The following SVOP variants were observed in gnomAD, a reference collection of about 807,000 sequenced individuals.
The protein encoded by SVOP is synaptic vesicle 2-related protein.
A neutral mutation model predicts 69.1 loss-of-function variants in SVOP; 17 were observed. The ratio of observed to expected loss-of-function variants is 0.25; its 90% CI spans 0.17 to 0.37. The LOEUF (loss-of-function observed/expected upper bound fraction) is 0.37. Among genes scored for constraint, SVOP ranks in the 10% least tolerant of loss-of-function variants. SVOP has a pLI of 1.00. For missense variants in SVOP, 435 were observed against 597.5 expected, an observed-to-expected ratio of 0.73 and a Z score of 2.84; for synonymous variants, 238 against 238.6, an observed-to-expected ratio of 1.00 and a Z score of 0.02.
chr12:108,948,118 G>A (rs1015156704), intron 6 of SVOP, among the ~76,000 whole-genome samples: 1 of 151,992 alleles, frequency 6.6e-6, no homozygotes, highest in Non-Finnish European at 1.5e-5. Flanking sequence ...CCTGGCATTG[G>A]GGGAGGGGTG....
At position 108,911,558 on chromosome 12, in the gene SVOP, G is replaced by T. The variant is rs1322159879; in HGVS notation, c.*977C>A. On this transcript the variant is annotated 3_prime_UTR_variant, in exon 16 of 16. Coordinates refer to ENST00000610966, the MANE Select transcript of SVOP (RefSeq NM_018711.5). The stretch of plus-strand genomic sequence containing the variant: ...ACCCTGTCTCTACTAAAAAGTACAG[G>T]TGGGCACCTGTAATCCCAGCTACTC... The T allele has an allele frequency of 6.6e-6, 1 of 152,140 alleles. No homozygotes were observed. Among genetic ancestry groups the T allele is most frequent in the African/African-American group, 2.4e-5 (1 of 41,366 alleles). 9.4% of individuals were successfully genotyped at this position (152,140 alleles called of 1,614,324 possible). A position where few individuals can be genotyped will look rare whatever the true frequency, so the allele number is the denominator to read the frequency against.
intron 3 of SVOP, among the ~76,000 whole-genome samples, chr12:108,978,088 T>C (rs918775715): frequency 6.6e-6 from 1 of 152,090 alleles, no homozygotes; most frequent in Non-Finnish European, 1.5e-5. Context: ...GGGGGAAATG[T>C]TGTGGGGAAA....
At chr12:108,997,345 G>T (rs1386160828) in intron 1 of SVOP, among the ~76,000 whole-genome samples, 10 of 152,014 alleles carry the variant, frequency 6.6e-5, no homozygotes, top group Middle Eastern at 3.4e-3. Flanking sequence ...TAGCACAGCA[G>T]TCTGAGATCA....
chr12:108,915,908 T>C, intron 14 of SVOP, 36 bp from the exon 15 acceptor site: 1 of 1,531,316 alleles, frequency 6.5e-7, no homozygotes, highest in South Asian at 1.3e-5. Flanking sequence ...CATGGGGACA[T>C]GCAGGTTCCT....
At chr12:109,003,674 T>C (rs1384912050) in intron 1 of SVOP, among the ~76,000 whole-genome samples, 2 of 152,164 alleles carry the variant, frequency 1.3e-5, no homozygotes, top group Non-Finnish European at 2.9e-5. Flanking sequence ...AGTCGTGCAA[T>C]AAAGCTCACC....
At chr12:108,913,310 C>A (rs1223276462) in intron 15 of SVOP, among the ~76,000 whole-genome samples, 1 of 152,156 alleles carries the variant, frequency 6.6e-6, no homozygotes, top group Non-Finnish European at 1.5e-5. Flanking sequence ...ATCCACCCAC[C>A]TTGGCCTCCC....
chr12:108,941,248 T>C (rs1237273230), intron 7 of SVOP, among the ~76,000 whole-genome samples: 1 of 152,152 alleles, frequency 6.6e-6, no homozygotes, highest in East Asian at 1.9e-4. Flanking sequence ...TCTGTCTTTT[T>C]GTCTTGCTCT....
chr12:108,952,533 G>A (rs1266201784), intron 6 of SVOP, among the ~76,000 whole-genome samples: 1 of 152,022 alleles, frequency 6.6e-6, no homozygotes, highest in Non-Finnish European at 1.5e-5. Context: ...ACTGTGCCCA[G>A]GCCCCCTACA....
In SVOP at chr12:108,992,470, G is replaced by C. The variant is rs183316865; in HGVS notation, c.36-8709C>G. Among the ~76,000 whole-genome samples, 19 of 152,176 alleles carry C rather than the reference G, an allele frequency of 1.2e-4. No individual in the cohort carries two copies. In the East Asian group the frequency reaches 3.7e-3, roughly 29 times the overall value. On this transcript the variant is annotated intron_variant, in intron 1 of 15. Coordinates refer to ENST00000610966, the MANE Select transcript of SVOP (RefSeq NM_018711.5). ...GTGGGAGGGTCGCTTGAGCCTGAGA[G>C]GTCGAGGCTGCAGTGAGCTATGATC...
chr12:108,957,443 C>G (rs146482261), intron 6 of SVOP, among the ~76,000 whole-genome samples: 1 of 152,108 alleles, frequency 6.6e-6, no homozygotes, highest in Non-Finnish European at 1.5e-5. Context: ...GGATTACAGA[C>G]GTGAGCCACC....
intron 8 of SVOP, 22 bp downstream of exon 8, chr12:108,940,762 A>G (rs1056103446): frequency 3.3e-6 from 5 of 1,534,376 alleles, no homozygotes; most frequent in African/African-American, 2.7e-5. Flanking sequence ...GCAAAAGGTG[A>G]AATCTCTTAA....
chr12:108,928,421 G>A (rs2039795226), intron 11 of SVOP, among the ~76,000 whole-genome samples: 1 of 152,032 alleles, frequency 6.6e-6, no homozygotes, highest in African/African-American at 2.4e-5. Flanking sequence ...TGGGGTTCAG[G>A]ACATGCCAAC....
chr12:108,928,660 A>G (rs2039796858), intron 11 of SVOP, among the ~76,000 whole-genome samples: 1 of 150,812 alleles, frequency 6.6e-6, no homozygotes, highest in Non-Finnish European at 1.5e-5. Flanking sequence ...TCCGCTTCTC[A>G]GGCTCAAGCG....
chr12:109,013,122 A>G (rs146981444), intron 1 of SVOP, among the ~76,000 whole-genome samples: 11 of 152,292 alleles, frequency 7.2e-5, no homozygotes, highest in African/African-American at 2.6e-4. Context: ...GCCTGTCTAT[A>G]TTGGTCTACA....
At chr12:108,919,013 C>T (rs1208107864) in intron 13 of SVOP, among the ~76,000 whole-genome samples, 3 of 147,342 alleles carry the variant, frequency 2.0e-5, no homozygotes, top group African/African-American at 7.5e-5. Flanking sequence ...TGCACCCCCA[C>T]TTGTACCCAC....
In SVOP at chr12:108,912,027, C is replaced by T. The variant is rs2039686571; in HGVS notation, c.*508G>A. 5.4e-6 allele frequency: 2 copies of T among 368,454 alleles called. No homozygotes were observed. The highest frequency in any genetic ancestry group is 7.5e-6 in the Non-Finnish European group (2 of 265,546). 22.8% of individuals were successfully genotyped at this position (368,454 alleles called of 1,614,324 possible). On this transcript the variant is annotated 3_prime_UTR_variant, in exon 16 of 16. Coordinates refer to ENST00000610966, the MANE Select transcript of SVOP (RefSeq NM_018711.5). Reference sequence around the variant, plus strand: ...CTCTAGGGAGGCAAACCGGGGGGCCCCTGCCAGGAAATAGCTGCTCAGACC... The same window carrying T: ...CTCTAGGGAGGCAAACCGGGGGGCCTCTGCCAGGAAATAGCTGCTCAGACC...
intron 1 of SVOP, among the ~76,000 whole-genome samples, chr12:109,004,019 C>T (rs1249189623): frequency 6.6e-5 from 10 of 152,090 alleles, no homozygotes; most frequent in Admixed American, 6.6e-4. Context: ...AAAGAGGGAC[C>T]TTTGACATTG....
At chr12:108,982,239 A>G (rs1431622727) in intron 2 of SVOP, among the ~76,000 whole-genome samples, 1 of 150,348 alleles carries the variant, frequency 6.7e-6, no homozygotes, top group Admixed American at 6.6e-5. Context: ...AATCATCACT[A>G]TCACCATCAT....
chr12:109,014,767 G>C (rs950872197), intron 1 of SVOP, among the ~76,000 whole-genome samples: 2 of 152,156 alleles, frequency 1.3e-5, no homozygotes, highest in East Asian at 3.9e-4. Flanking sequence ...TATCACCCAG[G>C]CTGGAGTGTA....
Sources: allele counts gnomAD v4.1 joint callset (sites outside exome capture counted in the v4.1 genomes callset), GRCh38; gene constraint gnomAD v4.1.1; transcripts MANE v1.5; gene names NCBI Gene and HGNC (gene_info 2026-07-23, HGNC 2026-07-21).